SND1: variants seen among roughly 807,000 people sequenced by gnomAD.
SND1 encodes the protein staphylococcal nuclease and tudor domain containing 1.
A neutral mutation model predicts 121.7 loss-of-function variants in SND1; 38 were observed. That is an observed-to-expected ratio of 0.31 (90% confidence interval 0.24 to 0.41). The LOEUF (loss-of-function observed/expected upper bound fraction) is 0.41, where lower values mean the gene tolerates loss of function less well. Among genes scored for constraint, SND1 ranks in the 10% least tolerant of loss-of-function variants. SND1 has a pLI of 1.00. For synonymous variants in SND1, 401 were observed against 447.4 expected (o/e 0.90, Z 1.31); for missense variants, 868 against 1,184.6 (o/e 0.73, Z 3.92).
At chr7:127,877,341 G>A (rs1563044382) in intron 12 of SND1, among the ~76,000 whole-genome samples, 1 of 152,028 alleles carries the variant, frequency 6.6e-6, no homozygotes, top group African/African-American at 2.4e-5. Flanking sequence ...TTCTCTACTT[G>A]CCAGCTTTAT....
At chr7:127,948,015 G>C (rs1801369693) in intron 15 of SND1, among the ~76,000 whole-genome samples, 2 of 152,174 alleles carry the variant, frequency 1.3e-5, no homozygotes, top group African/African-American at 2.4e-5. Flanking sequence ...GGTACAGCAG[G>C]ACACACACAG....
intron 16 of SND1, among the ~76,000 whole-genome samples, chr7:128,065,382 G>T (rs1376144834): frequency 6.6e-6 from 1 of 152,240 alleles, no homozygotes; most frequent in Non-Finnish European, 1.5e-5. Context: ...CCCCATTGGG[G>T]GGGTCACAGG....
At chr7:127,896,585 T>G (rs1800124538) in intron 13 of SND1, among the ~76,000 whole-genome samples, 1 of 151,762 alleles carries the variant, frequency 6.6e-6, no homozygotes, top group Non-Finnish European at 1.5e-5. Flanking sequence ...GTAAAACAAA[T>G]CAAAGTGTAT....
At chr7:127,994,186 A>G (rs1313517226) in intron 16 of SND1, among the ~76,000 whole-genome samples, 6 of 152,168 alleles carry the variant, frequency 3.9e-5, no homozygotes, top group Middle Eastern at 3.4e-3. Context: ...GAGACCTCAT[A>G]ATGCTGCTTT....
intron 14 of SND1, among the ~76,000 whole-genome samples, chr7:127,916,588 C>T (rs185792377): frequency 5.6e-4 from 85 of 152,206 alleles, no homozygotes; most frequent in Non-Finnish European, 5.9e-5. Flanking sequence ...TTCAAGATTA[C>T]GTATGGATGG....
At chr7:127,837,360 A>G (rs1417504697) in intron 11 of SND1, among the ~76,000 whole-genome samples, 1 of 152,252 alleles carries the variant, frequency 6.6e-6, no homozygotes, top group African/African-American at 2.4e-5. Flanking sequence ...TTTGTTATAT[A>G]TTGACACGAT....
rs1798343648 is a variant in SND1, at chr7:127,812,017, T to C, written c.1242+4444T>C. Among the ~76,000 whole-genome samples the C allele has an allele frequency of 2.6e-5, 4 of 152,218 alleles. No homozygotes were observed. The South Asian group carries it at 8.3e-4, about 32-fold the overall frequency. On this transcript the variant is annotated intron_variant, in intron 11 of 23. Coordinates refer to ENST00000354725, the MANE Select transcript of SND1 (RefSeq NM_014390.4). ...AACTCTGAGAACTTTGTTTTCACTTTTAATTTTTGCCTCCACCCTGCAAGA... is the reference window on the plus strand; with the variant it reads ...AACTCTGAGAACTTTGTTTTCACTTCTAATTTTTGCCTCCACCCTGCAAGA...
rs142635790 is a variant in SND1 at position 127,955,710 on chromosome 7, C to T, written c.1669+26381C>T. ...AATCAGTTTATTCCAGTCTTTTGCTCTGACAGGATTCTGTCTCCTAACCAG... is the reference window on the plus strand; with the variant it reads ...AATCAGTTTATTCCAGTCTTTTGCTTTGACAGGATTCTGTCTCCTAACCAG... On this transcript the variant is annotated intron_variant, in intron 15 of 23. Transcript: ENST00000354725. Among the ~76,000 whole-genome samples the T allele has an allele frequency of 6.2e-3, 951 of 152,292 alleles. 7 individuals are homozygous for T. The highest frequency in any genetic ancestry group is 0.024 in the Middle Eastern group (7 of 294).
At chr7:127,652,855 C>T (rs1207585563) in intron 1 of SND1, among the ~76,000 whole-genome samples, 2 of 152,178 alleles carry the variant, frequency 1.3e-5, no homozygotes, top group African/African-American at 2.4e-5. Context: ...TCTACTAGTA[C>T]TTGGCCATCA....
At chr7:127,769,260 A>T (rs1797472542) in intron 10 of SND1, among the ~76,000 whole-genome samples, 2 of 149,428 alleles carry the variant, frequency 1.3e-5, no homozygotes, top group Admixed American at 6.6e-5. Context: ...TTTTTTTTTT[A>T]GAAGTGACAG....
chr7:127,661,976 C>T (rs1795320231), intron 1 of SND1, among the ~76,000 whole-genome samples: 1 of 141,932 alleles, frequency 7.0e-6, no homozygotes, highest in African/African-American at 2.8e-5. Flanking sequence ...ATTAGCCGGG[C>T]ATGGTGGTGC....
At chr7:127,883,772 C>G (rs533624107) in intron 12 of SND1, among the ~76,000 whole-genome samples, 1 of 152,154 alleles carries the variant, frequency 6.6e-6, no homozygotes, top group Non-Finnish European at 1.5e-5. Context: ...TGGAATAGTT[C>G]TTCAGTCTTT....
chr7:127,733,175 G>A (rs1357958649), intron 10 of SND1, among the ~76,000 whole-genome samples: 1 of 152,164 alleles, frequency 6.6e-6, no homozygotes, highest in Non-Finnish European at 1.5e-5. Flanking sequence ...GAGGAAAGAA[G>A]AGGTTAGTTT....
chr7:127,788,761 T>C (rs929614017), intron 10 of SND1, among the ~76,000 whole-genome samples: 1 of 152,156 alleles, frequency 6.6e-6, no homozygotes, highest in Non-Finnish European at 1.5e-5. Context: ...CCTGGCTCTT[T>C]TCCTTTTTTG....
intron 12 of SND1, among the ~76,000 whole-genome samples, chr7:127,857,354 G>C (rs570802223): frequency 9.4e-6 from 1 of 106,142 alleles, no homozygotes. Flanking sequence ...CACCGCCCCC[G>C]GCTAATTTTT....
At chr7:127,810,782 T>C (rs1563021607) in intron 11 of SND1, among the ~76,000 whole-genome samples, 1 of 152,232 alleles carries the variant, frequency 6.6e-6, no homozygotes, top group Non-Finnish European at 1.5e-5. Flanking sequence ...ATATCTAAAG[T>C]TGAGACTCAG....
intron 10 of SND1, among the ~76,000 whole-genome samples, chr7:127,790,836 C>G (rs1405507573): frequency 6.6e-6 from 1 of 152,108 alleles, no homozygotes. Context: ...TCTGAGTCAA[C>G]AAAATATTTC....
chr7:127,902,737 G>C (rs1800258379), intron 13 of SND1, among the ~76,000 whole-genome samples: 1 of 150,258 alleles, frequency 6.7e-6, no homozygotes, highest in Non-Finnish European at 1.5e-5. Context: ...TTTTTTTTGA[G>C]ACAAAGTCTT....
In SND1 at chr7:128,092,101, C is replaced by CGCCAGTCG; in HGVS notation, c.*43_*44insGCCAGTCG. 1.3e-6 allele frequency: 2 copies of CGCCAGTCG among 1,595,986 alleles called. No homozygotes were observed. Among genetic ancestry groups the CGCCAGTCG allele is most frequent in the Non-Finnish European group, 1.7e-6 (2 of 1,163,920 alleles). ...GCCCCCAGCCCCGCTCACGCCAGTC[C>CGCCAGTCG]CTCTTCCTCTGCCGGGAGGGTGTTT... On this transcript the variant is annotated 3_prime_UTR_variant, in exon 24 of 24. Coordinates refer to ENST00000354725, the MANE Select transcript of SND1 (RefSeq NM_014390.4). The surrounding 1 kb of genome is among the most constrained non-coding windows in gnomAD (Gnocchi z 4.9).
Sources: gnomAD v4.1 joint callset for allele counts (sites outside exome capture counted in the v4.1 genomes callset) on GRCh38, gnomAD v4.1.1 for gene constraint, Gnocchi (gnomAD v3.1) non-coding constraint, MANE v1.5 for transcripts, NCBI Gene and HGNC (gene_info 2026-07-23, HGNC 2026-07-21) for gene names.